The following RMND1 variants were observed in gnomAD, a reference collection of about 807,000 sequenced individuals.
RMND1 encodes required for meiotic nuclear division 1 homolog.
RMND1 carries 41 observed loss-of-function variants against 54.0 expected under a neutral mutation model. The observed-to-expected ratio is 0.76, with a 90% CI of 0.59 to 0.98. The LOEUF (loss-of-function observed/expected upper bound fraction) is 0.98, where lower values mean the gene tolerates loss of function less well. RMND1 is among the 50% of genes least tolerant of loss of function. The pLI is 0.00. For synonymous variants in RMND1, 183 were observed against 181.7 expected, an observed-to-expected ratio of 1.01 and a Z score of -0.06; for missense variants, 457 against 532.0, an observed-to-expected ratio of 0.86 and a Z score of 1.39.
chr6:151,421,366 C>T (rs753709282), intron 8 of RMND1, 45 bp from the exon 9 acceptor site: 1 of 1,433,730 alleles, frequency 7.0e-7, no homozygotes, highest in South Asian at 1.2e-5. Context: ...ATGTATCTCT[C>T]TTTCTAATAA....
Position 151,440,300 on chromosome 6 carries a change from G to A in RMND1, c.505-3746C>T, listed in dbSNP as rs560142425. Among the ~76,000 whole-genome samples, 7 of 152,206 alleles carry A rather than the reference G, an allele frequency of 4.6e-5. No homozygotes were observed. The East Asian group carries it at 5.8e-4, about 13-fold the overall frequency. On this transcript the variant is annotated intron_variant, in intron 2 of 11. Coordinates refer to ENST00000444024, the MANE Select transcript of RMND1 (RefSeq NM_017909.4). The stretch of plus-strand genomic sequence containing the variant: ...AGGTAAAAGGTCAGTTTTAAAAACC[G>A]CCACTTGGAGATAAAAATAAAAGGC...
In RMND1 at chr6:151,412,094, T is replaced by G. The variant is rs1276825684; in HGVS notation, c.1200+5185A>C. Among the ~76,000 whole-genome samples, 7 of 152,144 alleles carry G rather than the reference T, an allele frequency of 4.6e-5. No homozygotes were observed. In the South Asian group the frequency reaches 1.2e-3, roughly 27 times the overall value. On this transcript the variant is annotated intron_variant, in intron 10 of 11. Transcript: ENST00000444024. ...GGCTCACTGCAACCTCTGCCCCCCTTAGGTTCAAGCGATTTTCCTGCCTCA... is the reference window on the plus strand; with the variant it reads ...GGCTCACTGCAACCTCTGCCCCCCTGAGGTTCAAGCGATTTTCCTGCCTCA...
At chr6:151,437,090 T>C (rs1780636110) in intron 2 of RMND1, among the ~76,000 whole-genome samples, 1 of 152,220 alleles carries the variant, frequency 6.6e-6, no homozygotes, top group South Asian at 2.1e-4. Context: ...TTGGTTTGGT[T>C]TGTACTTTGT....
At position 151,436,533 on chromosome 6, in the gene RMND1, A is replaced by T. The variant is rs562882988; in HGVS notation, c.526T>A (p.Phe176Ile). The change falls in exon 3 of 12, where the codon TTT (phenylalanine) becomes ATT (isoleucine). Residue 176 changes from phenylalanine (F) to isoleucine (I), a missense_variant. Coordinates refer to ENST00000444024, the MANE Select transcript of RMND1 (RefSeq NM_017909.4). Reference sequence around the variant, plus strand: ...AGATGATACTCATCTGCCGTTGCAAATGCTGTGCAGTGCATTAGGTCCTGT... The same window carrying T: ...AGATGATACTCATCTGCCGTTGCAATTGCTGTGCAGTGCATTAGGTCCTGT... ...VNEDLMHCTA[F>I]ATADEYHLGN... 28 of 1,613,948 alleles carry T rather than the reference A, an allele frequency of 1.7e-5. No homozygotes were observed. The East Asian group carries it at 5.6e-4, about 32-fold the overall frequency.
At chr6:151,426,428 T>C (rs941764686) in intron 6 of RMND1, among the ~76,000 whole-genome samples, 1 of 152,156 alleles carries the variant, frequency 6.6e-6, no homozygotes, top group African/African-American at 2.4e-5. Flanking sequence ...TTTATCTTAG[T>C]GAAACTGGTA....
chr6:151,444,049 C>CTA (rs1205283771), intron 2 of RMND1, among the ~76,000 whole-genome samples: 1 of 152,114 alleles, frequency 6.6e-6, no homozygotes, highest in Non-Finnish European at 1.5e-5. Context: ...AAAAAAAAAT[C>CTA]TAAAGAAAAA....
Position 151,405,139 on chromosome 6 carries a change from G to C in RMND1, c.*96C>G. Reference sequence around the variant, plus strand: ...CCCTTCTTGGCCTCCGAAAGTGCTGGGATTACAGGCATGAGGCACCGCGCC... The same window carrying C: ...CCCTTCTTGGCCTCCGAAAGTGCTGCGATTACAGGCATGAGGCACCGCGCC... On this transcript the variant is annotated 3_prime_UTR_variant, in exon 12 of 12. Coordinates refer to ENST00000444024, the MANE Select transcript of RMND1 (RefSeq NM_017909.4). The C allele has an allele frequency of 9.2e-7, 1 of 1,084,938 alleles. No homozygotes were observed. The highest frequency in any genetic ancestry group is 1.4e-6 in the Non-Finnish European group (1 of 712,710). 67.2% of individuals were successfully genotyped at this position (1,084,938 alleles called of 1,614,324 possible).
chr6:151,427,352 G>A lies in RMND1; in HGVS notation c.830+130C>T, dbSNP rs1476965416. Reference sequence around the variant, plus strand: ...GATTGTGCCACTGCACTCCATCCTGGGCGACAGAGTGAGACTCCGTCTCAA... The same window carrying A: ...GATTGTGCCACTGCACTCCATCCTGAGCGACAGAGTGAGACTCCGTCTCAA... On this transcript the variant is annotated intron_variant, in intron 6 of 11. Transcript: ENST00000444024. 5.8e-6 allele frequency: 3 copies of A among 517,476 alleles called. No homozygotes were observed. The Admixed American group carries it at 9.5e-5, about 16-fold the overall frequency. The allele number at this position is 517,476 out of a possible 1,614,324, so 32.1% of individuals were successfully genotyped here. A position where few individuals can be genotyped will look rare whatever the true frequency, so the allele number is the denominator to read the frequency against.
chr6:151,426,109 C>CG, intron 6 of RMND1, among the ~76,000 whole-genome samples: 1 of 152,056 alleles, frequency 6.6e-6, no homozygotes, highest in East Asian at 1.9e-4. Context: ...CCACTATGCC[C>CG]GGGTAATTTT....
rs201840505 is a variant in RMND1 at position 151,405,246 on chromosome 6, C to T, written c.1339G>A (p.Val447Ile). The change falls in exon 12 of 12, where the codon GTA becomes ATA. Residue 447 changes from valine (V) to isoleucine (I), a missense_variant. Physicochemically the swap from Val to Ile is conservative, Grantham distance 29 (BLOSUM62 3). Coordinates refer to ENST00000444024, the MANE Select transcript of RMND1 (RefSeq NM_017909.4). ...TIEVMFELGR[V>I]FF ...TGGTTATCACTTGATCAGAAAAATA[C>T]TCGTCCCAGCTCAAACATTACCTTA... 110 of 1,612,766 alleles carry T rather than the reference C, an allele frequency of 6.8e-5. No homozygotes were observed. The highest frequency in any genetic ancestry group is 1.1e-5 in the Non-Finnish European group (13 of 1,179,006).
chr6:151,444,357 G>A (rs1780888219), intron 2 of RMND1: 1 of 152,200 alleles, frequency 6.6e-6, no homozygotes, highest in Non-Finnish European at 1.5e-5. Context: ...CACGTCCTGA[G>A]TTCAGAGTAA....
At chr6:151,428,818 G>A (rs1780376347) in intron 5 of RMND1, among the ~76,000 whole-genome samples, 1 of 152,184 alleles carries the variant, frequency 6.6e-6, no homozygotes, top group South Asian at 2.1e-4. Flanking sequence ...ACAGGTATGA[G>A]TTACCACACC....
chr6:151,408,494 TGA>T (rs1271289327), intron 10 of RMND1: 2 of 152,094 alleles, frequency 1.3e-5, no homozygotes, highest in African/African-American at 2.4e-5. Flanking sequence ...TACCAGATTG[TGA>T]GAGGTACTGT....
intron 1 of RMND1, 168 bp from the exon 2 acceptor site, chr6:151,445,993 T>C (rs1168374790): frequency 1.6e-6 from 1 of 617,156 alleles, no homozygotes; most frequent in Non-Finnish European, 2.7e-6. Context: ...ACAGTGTTTC[T>C]GCCACTTTGC....
At chr6:151,407,095 A>G (rs1234041668) in intron 10 of RMND1, among the ~76,000 whole-genome samples, 1 of 152,040 alleles carries the variant, frequency 6.6e-6, no homozygotes, top group African/African-American at 2.4e-5. Context: ...TCAAGGCTGC[A>G]ATGAGCCAAG....
chr6:151,407,265 T>C (rs1779656755), intron 10 of RMND1, among the ~76,000 whole-genome samples: 1 of 152,192 alleles, frequency 6.6e-6, no homozygotes, highest in African/African-American at 2.4e-5. Flanking sequence ...CTAATCTGTA[T>C]AGATGTGTAG....
At chr6:151,450,828 T>C (rs191719697) in intron 1 of RMND1, among the ~76,000 whole-genome samples, 10 of 152,224 alleles carry the variant, frequency 6.6e-5, no homozygotes, top group Admixed American at 1.3e-4. Flanking sequence ...GAAGTAGACA[T>C]GGGAGACTTT....
chr6:151,428,011 T>C (rs1377383174), intron 5 of RMND1, among the ~76,000 whole-genome samples: 1 of 152,104 alleles, frequency 6.6e-6, no homozygotes, highest in Non-Finnish European at 1.5e-5. Context: ...TGTGGTGATG[T>C]ACACCTGTAG....
chr6:151,417,547 A>G, intron 9 of RMND1, 148 bp from the exon 10 acceptor site: 2 of 586,470 alleles, frequency 3.4e-6, no homozygotes, highest in Non-Finnish European at 5.7e-6. Context: ...GATGGAGTGC[A>G]GTGGTGTGAT....
Sources: gnomAD v4.1 joint callset for allele counts (sites outside exome capture counted in the v4.1 genomes callset) on GRCh38, gnomAD v4.1.1 for gene constraint, MANE v1.5 for transcripts, NCBI Gene and HGNC (gene_info 2026-07-23, HGNC 2026-07-21) for gene names.